The following PTDSS1 variants were observed in gnomAD, a reference collection of about 807,000 sequenced individuals.
PTDSS1 encodes the protein PSS-1.
Under a neutral mutation model 70.5 loss-of-function variants are expected in PTDSS1, and 45 were observed. The observed-to-expected ratio is 0.64, with a 90% CI of 0.50 to 0.82. The LOEUF (loss-of-function observed/expected upper bound fraction) is 0.82, where lower values mean the gene tolerates loss of function less well. Ranked by LOEUF, PTDSS1 falls within the 40% of genes least tolerant of loss-of-function variation. PTDSS1 has a pLI of 0.00. For missense variants in PTDSS1, 417 were observed against 586.1 expected, an observed-to-expected ratio of 0.71 and a Z score of 2.98; for synonymous variants, 188 against 203.8, an observed-to-expected ratio of 0.92 and a Z score of 0.66.
chr8:96,279,884 A>G (rs1334292523), intron 2 of PTDSS1, among the ~76,000 whole-genome samples: 2 of 152,144 alleles, frequency 1.3e-5, no homozygotes, highest in African/African-American at 4.8e-5. Flanking sequence ...AAAGTTGCCT[A>G]GAGATCATTT....
intron 1 of PTDSS1, among the ~76,000 whole-genome samples, chr8:96,267,793 C>T (rs1810509215): frequency 6.6e-6 from 1 of 152,046 alleles, no homozygotes; most frequent in South Asian, 2.1e-4. Context: ...CACAGCACAC[C>T]CAACACCCAA....
At chr8:96,323,715 G>A (rs916400654) in intron 10 of PTDSS1, among the ~76,000 whole-genome samples, 9 of 152,158 alleles carry the variant, frequency 5.9e-5, no homozygotes, top group South Asian at 2.1e-4. Context: ...TCTCTGAAAC[G>A]CTTTTGCTTT....
intron 2 of PTDSS1, among the ~76,000 whole-genome samples, chr8:96,275,037 G>T (rs1033733585): frequency 1.3e-5 from 2 of 152,136 alleles, no homozygotes; most frequent in Admixed American, 6.5e-5. Context: ...TTTCCATAGG[G>T]ATTGATGGTT....
At chr8:96,306,237 A>G (rs982717992) in intron 7 of PTDSS1, among the ~76,000 whole-genome samples, 4 of 152,058 alleles carry the variant, frequency 2.6e-5, no homozygotes, top group African/African-American at 7.2e-5. Context: ...CACCCCTGCC[A>G]CCTCTCCCTG....
At chr8:96,318,752 C>A (rs1237936692) in intron 9 of PTDSS1, among the ~76,000 whole-genome samples, 1 of 152,128 alleles carries the variant, frequency 6.6e-6, no homozygotes, top group Non-Finnish European at 1.5e-5. Flanking sequence ...AGGAGAATTT[C>A]TGTTGATTTT....
chr8:96,266,923 G>T (rs1810495276), intron 1 of PTDSS1, among the ~76,000 whole-genome samples: 1 of 151,566 alleles, frequency 6.6e-6, no homozygotes. Flanking sequence ...TATTTCTCTG[G>T]GGTCTACTGC....
intron 10 of PTDSS1, among the ~76,000 whole-genome samples, chr8:96,329,429 T>C (rs1217877056): frequency 6.6e-6 from 1 of 152,210 alleles, no homozygotes; most frequent in East Asian, 1.9e-4. Flanking sequence ...TGGAGACTTT[T>C]CCTAAGCTTT....
intron 2 of PTDSS1, among the ~76,000 whole-genome samples, chr8:96,282,517 T>C (rs886719214): frequency 9.9e-5 from 15 of 152,146 alleles, no homozygotes; most frequent in African/African-American, 3.4e-4. Context: ...CTACCTGCCA[T>C]CCAAAACGCA....
rs779960708 is a variant in PTDSS1, at chr8:96,333,524, G to A, written c.1380G>A (p.Arg460=). Residue 460 remains arginine, a synonymous_variant, in exon 13 of 13, where the codon CGG becomes CGA. Coordinates refer to ENST00000517309, the MANE Select transcript of PTDSS1 (RefSeq NM_014754.3). ...GCCATTCTTCCAGGAGAAGGAATCG[G>A]CATTCCAAGTCAAAAGTCACCAATG... ...NESHSSRRRN[R]HSKSKVTNGV... 6.2e-7 allele frequency: 1 copy of A among 1,613,984 alleles called. No individual in the cohort carries two copies. Among genetic ancestry groups the A allele is most frequent in the East Asian group, 2.2e-5 (1 of 44,866 alleles).
intron 9 of PTDSS1, among the ~76,000 whole-genome samples, chr8:96,319,914 G>A (rs1811350459): frequency 6.6e-6 from 1 of 152,178 alleles, no homozygotes; most frequent in Non-Finnish European, 1.5e-5. Context: ...TAGTTTCCCT[G>A]TGCCTGAGAG....
In PTDSS1 at chr8:96,320,071, C is replaced by T. The variant is rs576877422; in HGVS notation, c.1074-175C>T. On this transcript the variant is annotated intron_variant, in intron 9 of 12. Coordinates refer to ENST00000517309, the MANE Select transcript of PTDSS1 (RefSeq NM_014754.3). The stretch of plus-strand genomic sequence containing the variant: ...GAGGTGAAAAATACTTTATTATTTC[C>T]GAAGTAAATGCAGTTGGCTTGAACA... 4.6e-5 allele frequency among the ~76,000 whole-genome samples: 7 copies of T among 152,272 alleles called. No homozygotes were observed. In the South Asian group the frequency reaches 6.2e-4, roughly 14 times the overall value.
intron 1 of PTDSS1, among the ~76,000 whole-genome samples, chr8:96,268,373 G>A (rs1301613665): frequency 6.6e-6 from 1 of 152,134 alleles, no homozygotes; most frequent in Non-Finnish European, 1.5e-5. Context: ...TTTATTTAAG[G>A]ACTCATATTA....
chr8:96,325,819 TA>T (rs1811430824), intron 10 of PTDSS1, among the ~76,000 whole-genome samples: 1 of 152,122 alleles, frequency 6.6e-6, no homozygotes. Flanking sequence ...ATAAGCAAGA[TA>T]GAGGAAAGTT....
intron 10 of PTDSS1, among the ~76,000 whole-genome samples, chr8:96,329,692 C>T (rs1811485842): frequency 6.6e-6 from 1 of 152,114 alleles, no homozygotes; most frequent in Admixed American, 6.6e-5. Flanking sequence ...GGGGTCCACT[C>T]AAAAGCCTGG....
intron 9 of PTDSS1, among the ~76,000 whole-genome samples, chr8:96,318,712 G>T (rs1811330116): frequency 6.6e-6 from 1 of 152,130 alleles, no homozygotes; most frequent in African/African-American, 2.4e-5. Flanking sequence ...TAGGGGAAAA[G>T]ACAGCCCCAG....
At chr8:96,321,596 C>T (rs977149234) in intron 10 of PTDSS1, among the ~76,000 whole-genome samples, 2 of 152,152 alleles carry the variant, frequency 1.3e-5, no homozygotes, top group African/African-American at 4.8e-5. Flanking sequence ...TGTAATTTAA[C>T]ATATTTCTTT....
intron 9 of PTDSS1, among the ~76,000 whole-genome samples, chr8:96,319,411 T>G (rs1811343051): frequency 6.6e-6 from 1 of 152,144 alleles, no homozygotes; most frequent in African/African-American, 2.4e-5. Flanking sequence ...AAAGGCCTGA[T>G]TTTTATAGTC....
At chr8:96,328,513 TAATA>T (rs1363570708) in intron 10 of PTDSS1, among the ~76,000 whole-genome samples, 1 of 152,196 alleles carries the variant, frequency 6.6e-6, no homozygotes, top group Non-Finnish European at 1.5e-5. Context: ...ATGAGCTTTT[TAATA>T]AATCCCTAAC....
At chr8:96,328,613 G>A (rs1307461814) in intron 10 of PTDSS1, among the ~76,000 whole-genome samples, 1 of 152,190 alleles carries the variant, frequency 6.6e-6, no homozygotes, top group African/African-American at 2.4e-5. Context: ...TCTCCACGCT[G>A]CCACTGTTCC....
Sources: allele counts gnomAD v4.1 joint callset (sites outside exome capture counted in the v4.1 genomes callset), GRCh38; gene constraint gnomAD v4.1.1; transcripts MANE v1.5; gene names NCBI Gene and HGNC (gene_info 2026-07-23, HGNC 2026-07-21).